Variants in MRPS10 observed in about 807,000 individuals in gnomAD.
MRPS10 encodes small ribosomal subunit protein uS10m.
MRPS10 carries 23 observed loss-of-function variants against 27.5 expected under a neutral mutation model. That is an observed-to-expected ratio of 0.84 (90% CI 0.60 to 1.18). The LOEUF (loss-of-function observed/expected upper bound fraction) is 1.18, where lower values mean the gene tolerates loss of function less well. Among genes scored for constraint, MRPS10 ranks in the 50% most tolerant of loss-of-function variants. The probability of loss-of-function intolerance (pLI) is 0.00; values close to 1 mark genes in which losing one functional copy is unlikely to be tolerated. For missense variants in MRPS10, 237 were observed against 240.1 expected, an observed-to-expected ratio of 0.99 and a Z score of 0.09; for synonymous variants, 88 against 84.2, an observed-to-expected ratio of 1.04 and a Z score of -0.25.
chr6:42,208,941 G>A lies in MRPS10; in HGVS notation c.439C>T (p.His147Tyr), dbSNP rs1328488689. 14 of 1,596,806 alleles carry A rather than the reference G, an allele frequency of 8.8e-6. No homozygotes were observed. The highest frequency in any genetic ancestry group is 1.1e-5 in the Non-Finnish European group (13 of 1,167,762). The change falls in exon 6 of 7, where the codon CAT (histidine) becomes TAT (tyrosine). Residue 147 changes from histidine to tyrosine, a missense_variant. His to Tyr is a moderately conservative substitution (Grantham distance 83, BLOSUM62 2). Transcript: ENST00000053468. ...ACATCTGCTGTGCTTCCAGTTAGATGTTCTAACTAAAACATCAAACATGAA... is the reference window on the plus strand; with the variant it reads ...ACATCTGCTGTGCTTCCAGTTAGATATTCTAACTAAAACATCAAACATGAA... ...RTLYRCLELE[H>Y]LTGSTADVYL...
chr6:42,211,779 A>C lies in MRPS10; in HGVS notation c.323+2T>G. The C allele has an allele frequency of 6.2e-7, 1 of 1,611,918 alleles. No individual in the cohort carries two copies. The highest frequency in any genetic ancestry group is 8.5e-7 in the Non-Finnish European group (1 of 1,179,308). The stretch of plus-strand genomic sequence containing the variant: ...GGTCGGGTCAGGAAAGGCCATACTC[A>C]CACTTTAATAGAGATACCAAGTTCT... On this transcript the variant is annotated splice_donor_variant, in intron 4 of 6. Coordinates refer to ENST00000053468, the MANE Select transcript of MRPS10 (RefSeq NM_018141.4). LOFTEE classifies it high-confidence loss of function.
In MRPS10 at chr6:42,208,387, A is replaced by C. The variant is rs1191942637; in HGVS notation, c.523-15T>G. ...TCTAATTGTGTCTAAAAAAAGAAAG[A>C]AACAAAACTATAATGTGGATTTAAC... is the stretch of plus-strand genomic sequence containing the variant. On this transcript the variant is annotated splice_polypyrimidine_tract_variant and intron_variant, in intron 6 of 6. Coordinates refer to ENST00000053468, the MANE Select transcript of MRPS10 (RefSeq NM_018141.4). The C allele has an allele frequency of 6.5e-7, 1 of 1,539,784 alleles. No individual in the cohort carries two copies. The highest frequency in any genetic ancestry group is 1.4e-5 in the African/African-American group (1 of 72,830).
rs1768688254 is a variant in MRPS10 at position 42,208,897 on chromosome 6, C to T, written c.483G>A (p.Gln161=). ...STADVYLEYI[Q]RNLPEGVAME... Reference sequence around the variant, plus strand: ...TGGCAACCCCTTCAGGTAAGTTTCGCTGAATATATTCCAAGTAGACATCTG... The same window carrying T: ...TGGCAACCCCTTCAGGTAAGTTTCGTTGAATATATTCCAAGTAGACATCTG... Residue 161 remains glutamine (Q), a synonymous_variant, in exon 6 of 7, where the codon CAG becomes CAA. Coordinates refer to ENST00000053468, the MANE Select transcript of MRPS10 (RefSeq NM_018141.4). The T allele has an allele frequency of 1.9e-6, 3 of 1,611,992 alleles. No homozygotes were observed. The East Asian group carries it at 6.7e-5, about 36-fold the overall frequency.
At chr6:42,214,223 GT>G (rs1768857925) in intron 2 of MRPS10, 31 bp from the exon 3 acceptor site, 1 of 1,605,778 alleles carries the variant, frequency 6.2e-7, no homozygotes, top group African/African-American at 1.3e-5. Context: ...AGAAACCTAA[GT>G]AAAATAGCAC....
At chr6:42,213,668 A>G (rs1768843821) in intron 3 of MRPS10, among the ~76,000 whole-genome samples, 1 of 152,238 alleles carries the variant, frequency 6.6e-6, no homozygotes, top group African/African-American at 2.4e-5. Context: ...CATAGCTTCT[A>G]CAGGGTTACC....
Position 42,215,359 on chromosome 6 carries a change from C to CAAAACAAAAAAA in MRPS10, c.49-1016_49-1015insTTTTTTTGTTTT, listed in dbSNP as rs1554189103. 9.6e-5 allele frequency among the ~76,000 whole-genome samples: 7 copies of CAAAACAAAAAAA among 73,260 alleles called. No homozygotes were observed. In the East Asian group the frequency reaches 3.2e-3, roughly 34 times the overall value. The allele number at this position is 73,260 out of a possible 152,430, so 48.1% of individuals were successfully genotyped here. Reference sequence around the variant, plus strand: ...TGGGTGACAGAGCGAGACTCCCTCTCAAAAAAAAAAAAAGAAGTTTAGCAT... The same window carrying CAAAACAAAAAAA: ...TGGGTGACAGAGCGAGACTCCCTCTCAAAACAAAAAAAAAAAAAAAAAAAAGAAGTTTAGCAT... On this transcript the variant is annotated intron_variant, in intron 1 of 6. Coordinates refer to ENST00000053468, the MANE Select transcript of MRPS10 (RefSeq NM_018141.4).
At position 42,208,421 on chromosome 6, in the gene MRPS10, T is replaced by C. The variant is rs764094126; in HGVS notation, c.523-49A>G. ...TATAATGTGGATTTAACAGAACTCT[T>C]TGACTACAAATCGGACTTATTAATT... On this transcript the variant is annotated intron_variant, in intron 6 of 6. Transcript: ENST00000053468. 4.5e-6 allele frequency: 6 copies of C among 1,347,680 alleles called. No homozygotes were observed. The East Asian group carries it at 6.9e-5, about 16-fold the overall frequency. The allele number at this position is 1,347,680 out of a possible 1,614,324, so 83.5% of individuals were successfully genotyped here. A position where few individuals can be genotyped will look rare whatever the true frequency, so the allele number is the denominator to read the frequency against.
At chr6:42,210,872 C>T (rs1768753338) in intron 4 of MRPS10, among the ~76,000 whole-genome samples, 1 of 152,210 alleles carries the variant, frequency 6.6e-6, no homozygotes, top group African/African-American at 2.4e-5. Context: ...GCTTTTACAC[C>T]CTTTAGTCTT....
At chr6:42,217,708 G>A (rs1768981385) in intron 1 of MRPS10, 94 bp downstream of exon 1, 8 of 1,371,694 alleles carry the variant, frequency 5.8e-6, no homozygotes, top group East Asian at 2.3e-5. Flanking sequence ...ATAAATATCA[G>A]GAAAAATCCT....
Position 42,208,253 on chromosome 6 carries a change from A to G in MRPS10, c.*36T>C, listed in dbSNP as rs1197196813. On this transcript the variant is annotated 3_prime_UTR_variant, in exon 7 of 7. Transcript: ENST00000053468. Reference sequence around the variant, plus strand: ...AAACATACTCATCTGGCCCACCCTCATTTCAAATTTAGGCAAAAATGGCCT... The same window carrying G: ...AAACATACTCATCTGGCCCACCCTCGTTTCAAATTTAGGCAAAAATGGCCT... 2.0e-6 allele frequency: 3 copies of G among 1,492,712 alleles called. No individual in the cohort carries two copies. The highest frequency in any genetic ancestry group is 2.8e-6 in the Non-Finnish European group (3 of 1,073,038). 92.5% of individuals were successfully genotyped at this position (1,492,712 alleles called of 1,614,324 possible).
chr6:42,214,484 A>T, intron 1 of MRPS10, 140 bp from the exon 2 acceptor site: 1 of 76,440 alleles, frequency 1.3e-5, no homozygotes, highest in Non-Finnish European at 2.7e-5. Flanking sequence ...AATTAGATTG[A>T]AAAAAAAAAG....
chr6:42,210,115 G>C (rs527642822), intron 5 of MRPS10, among the ~76,000 whole-genome samples: 4 of 152,202 alleles, frequency 2.6e-5, no homozygotes, highest in Non-Finnish European at 5.9e-5. Flanking sequence ...GCACAAATGA[G>C]TAACAGATGA....
intron 1 of MRPS10, among the ~76,000 whole-genome samples, chr6:42,215,716 C>T (rs1464519544): frequency 6.6e-6 from 1 of 152,176 alleles, no homozygotes; most frequent in African/African-American, 2.4e-5. Flanking sequence ...AGTGAACCAC[C>T]ACCTAGCCAC....
chr6:42,208,194 C>T lies in MRPS10; in HGVS notation c.*95G>A. On this transcript the variant is annotated 3_prime_UTR_variant, in exon 7 of 7. Coordinates refer to ENST00000053468, the MANE Select transcript of MRPS10 (RefSeq NM_018141.4). ...AACTCAATGGAGCAGTTAGGGCAGA[C>T]TCAAATCATCTCAGCTGGAAGCACT... The T allele has an allele frequency of 2.1e-6, 2 of 956,796 alleles. No individual in the cohort carries two copies. Among genetic ancestry groups the T allele is most frequent in the South Asian group, 1.4e-5 (1 of 73,214 alleles). 59.3% of individuals were successfully genotyped at this position (956,796 alleles called of 1,614,324 possible). A position where few individuals can be genotyped will look rare whatever the true frequency, so the allele number is the denominator to read the frequency against.
At position 42,208,920 on chromosome 6, in the gene MRPS10, C is replaced by A; in HGVS notation, c.460G>T (p.Asp154Tyr). 1 of 1,611,492 alleles carries A rather than the reference C, an allele frequency of 6.2e-7. No homozygotes were observed. Among genetic ancestry groups the A allele is most frequent in the Non-Finnish European group, 8.5e-7 (1 of 1,178,248 alleles). ...CGCTGAATATATTCCAAGTAGACATCTGCTGTGCTTCCAGTTAGATGTTCT... is the reference window on the plus strand; with the variant it reads ...CGCTGAATATATTCCAAGTAGACATATGCTGTGCTTCCAGTTAGATGTTCT... ...ELEHLTGSTA[D>Y]VYLEYIQRNL... The change falls in exon 6 of 7, where the codon GAT becomes TAT. Residue 154 changes from aspartate (D) to tyrosine (Y), a missense_variant. Around this residue, in one of 3 missense-constraint regions of MRPS10, gnomAD observed 62 missense variants for 68.2 expected, o/e 0.91. Coordinates refer to ENST00000053468, the MANE Select transcript of MRPS10 (RefSeq NM_018141.4).
chr6:42,214,733 T>C (rs1249084795), intron 1 of MRPS10, among the ~76,000 whole-genome samples: 1 of 152,234 alleles, frequency 6.6e-6, no homozygotes, highest in Non-Finnish European at 1.5e-5. Context: ...CAATAAAATA[T>C]ATTGTTTTTA....
chr6:42,208,855 T>G lies in MRPS10; in HGVS notation c.522+3A>C, dbSNP rs372215500. ...CCGAAAGAGGCAGAAATTCAAGCTA[T>G]ACCTTTGTTACTTCCATGGCAACCC... is the stretch of plus-strand genomic sequence containing the variant. On this transcript the variant is annotated splice_donor_region_variant and intron_variant, in intron 6 of 6. Coordinates refer to ENST00000053468, the MANE Select transcript of MRPS10 (RefSeq NM_018141.4). 130 of 1,591,712 alleles carry G rather than the reference T, an allele frequency of 8.2e-5. 1 individual carries two copies. Among genetic ancestry groups the G allele is most frequent in the South Asian group, 6.4e-4 (58 of 90,334 alleles).
At position 42,214,279 on chromosome 6, in the gene MRPS10, C is replaced by G. The variant is rs149847491; in HGVS notation, c.113+1G>C. On this transcript the variant is annotated splice_donor_variant, in intron 2 of 6. Transcript: ENST00000053468. LOFTEE classifies it high-confidence loss of function. ...TTTAGCACATCCAATTGTATACTTA[C>G]AGAAGCAAGCCACCATTTTTGGCTG... 1.2e-6 allele frequency: 2 copies of G among 1,612,332 alleles called. No individual in the cohort carries two copies. The highest frequency in any genetic ancestry group is 2.2e-5 in the South Asian group (2 of 90,872).
In MRPS10 at chr6:42,210,592, C is replaced by T. The variant is rs1768748189; in HGVS notation, c.328G>A (p.Glu110Lys). 1 of 1,454,138 alleles carries T rather than the reference C, an allele frequency of 6.9e-7. No homozygotes were observed. The highest frequency in any genetic ancestry group is 9.3e-7 in the Non-Finnish European group (1 of 1,078,632). 90.1% of individuals were successfully genotyped at this position (1,454,138 alleles called of 1,614,324 possible). ...AATCGCTCTATTTTCCTTGGAGGTTCATGTCTGAAATTAATGGACAAAACA... is the reference window on the plus strand; with the variant it reads ...AATCGCTCTATTTTCCTTGGAGGTTTATGTCTGAAATTAATGGACAAAACA... ...KELGISIKVH[E>K]PPRKIERFTL... The change falls in exon 5 of 7, where the codon GAA (glutamate) becomes AAA (lysine). Residue 110 changes from glutamate (E) to lysine (K), a missense_variant. Physicochemically the swap from Glu to Lys is moderately conservative, Grantham distance 56. Around this residue, in one of 3 missense-constraint regions of MRPS10, gnomAD observed 164 missense variants for 137.8 expected, o/e 1.19. Transcript: ENST00000053468.
Sources: allele counts gnomAD v4.1 joint callset (sites outside exome capture counted in the v4.1 genomes callset), GRCh38; gene constraint gnomAD v4.1.1; regional missense constraint gnomAD v4.1.1; transcripts MANE v1.5; gene names NCBI Gene and HGNC (gene_info 2026-07-23, HGNC 2026-07-21).